Variants in TASP1 observed in about 807,000 individuals in gnomAD.
TASP1 encodes the protein taspase 1, also known as threonine aspartase 1.
In TASP1, 16 loss-of-function variants were observed where a neutral mutation model predicts 56.6. That is an observed-to-expected ratio of 0.28 (90% CI 0.19 to 0.43). The LOEUF is 0.43. Ranked by LOEUF, TASP1 falls within the 20% of genes least tolerant of loss-of-function variation. TASP1 has a pLI of 1.00. For missense variants in TASP1, 393 were observed against 511.6 expected (o/e 0.77, Z 2.24); for synonymous variants, 179 against 184.2 (o/e 0.97, Z 0.23).
chr20:13,415,674 C>T (rs571708974), intron 13 of TASP1, among the ~76,000 whole-genome samples: 84 of 151,626 alleles, frequency 5.5e-4, no homozygotes, highest in Middle Eastern at 3.7e-3. Flanking sequence ...CAAATATCTT[C>T]GGGCTCATAG....
intron 4 of TASP1, among the ~76,000 whole-genome samples, chr20:13,610,054 C>T (rs2048299205): frequency 6.6e-6 from 1 of 152,124 alleles, no homozygotes; most frequent in African/African-American, 2.4e-5. Flanking sequence ...TATAAAATAT[C>T]CAGAAGAGGT....
At chr20:13,370,120 A>C in the TASP1 span, among the ~76,000 whole-genome samples, 1 of 152,238 alleles carries the variant, frequency 6.6e-6, no homozygotes, top group East Asian at 1.9e-4. Context: ...CACAAAGATA[A>C]GAGAATTATT....
intron 10 of TASP1, among the ~76,000 whole-genome samples, chr20:13,506,457 C>A (rs1164349247): frequency 6.6e-6 from 1 of 152,140 alleles, no homozygotes; most frequent in Admixed American, 6.6e-5. Flanking sequence ...AAATTACTGT[C>A]CAATATCCTT....
the TASP1 span, among the ~76,000 whole-genome samples, chr20:13,121,611 G>T: frequency 1.3e-5 from 2 of 152,148 alleles, no homozygotes; most frequent in Non-Finnish European, 1.5e-5. Context: ...ACACGACCCA[G>T]ACTCGCCTTG....
the TASP1 span, among the ~76,000 whole-genome samples, chr20:13,107,725 C>T: frequency 6.6e-6 from 1 of 151,382 alleles, no homozygotes; most frequent in Non-Finnish European, 1.5e-5. Context: ...GACAAAGCAC[C>T]TAAAGAGTTA....
At chr20:13,191,446 A>G in the TASP1 span, among the ~76,000 whole-genome samples, 1 of 152,226 alleles carries the variant, frequency 6.6e-6, no homozygotes, top group Admixed American at 6.5e-5. Flanking sequence ...AGTAACATAC[A>G]TGAGTGTGGA....
intron 10 of TASP1, among the ~76,000 whole-genome samples, chr20:13,516,111 T>C (rs1038217533): frequency 6.6e-6 from 1 of 152,170 alleles, no homozygotes; most frequent in Non-Finnish European, 1.5e-5. Context: ...TTCAAGTAAA[T>C]TTCCTGAGCT....
the TASP1 span, among the ~76,000 whole-genome samples, chr20:13,319,705 T>C: frequency 1.3e-5 from 2 of 152,022 alleles, no homozygotes; most frequent in Non-Finnish European, 2.9e-5. Context: ...TACAGGAAAA[T>C]GTTTGTATCT....
intron 7 of TASP1, among the ~76,000 whole-genome samples, chr20:13,559,431 G>A (rs1276594100): frequency 2.0e-5 from 3 of 152,022 alleles, no homozygotes; most frequent in African/African-American, 7.2e-5. Context: ...GGTAAGAGAC[G>A]AAACTTGGGC....
intron 1 of TASP1, among the ~76,000 whole-genome samples, chr20:13,638,320 ACAC>A (rs2049385274): frequency 6.6e-6 from 1 of 151,920 alleles, no homozygotes; most frequent in South Asian, 2.1e-4. Context: ...CCTTCCGGAA[ACAC>A]GATACCCTCG....
intron 4 of TASP1, among the ~76,000 whole-genome samples, chr20:13,601,532 A>C (rs2047956282): frequency 6.6e-6 from 1 of 152,184 alleles, no homozygotes; most frequent in Admixed American, 6.5e-5. Context: ...TGAATGAATA[A>C]ATACATAAAT....
At chr20:13,366,873 C>G in the TASP1 span, among the ~76,000 whole-genome samples, 118 of 151,930 alleles carry the variant, frequency 7.8e-4, no homozygotes, top group Non-Finnish European at 1.1e-3. Flanking sequence ...TGACTACACA[C>G]ACACACACAC....
At chr20:13,440,995 C>T (rs375137286) in intron 11 of TASP1, among the ~76,000 whole-genome samples, 66 of 152,302 alleles carry the variant, frequency 4.3e-4, no homozygotes, top group African/African-American at 1.5e-3. Flanking sequence ...TACAACTGTT[C>T]CTTTTACCAC....
the TASP1 span, among the ~76,000 whole-genome samples, chr20:13,312,858 G>C: frequency 4.8e-3 from 730 of 152,252 alleles, 1 homozygote; most frequent in Non-Finnish European, 8.0e-3. Flanking sequence ...GGGTATGTCT[G>C]ACTCTAAATC....
At chr20:13,382,926 G>T in the TASP1 span, among the ~76,000 whole-genome samples, 1 of 152,152 alleles carries the variant, frequency 6.6e-6, no homozygotes, top group Non-Finnish European at 1.5e-5. Context: ...GCTTGCTCAG[G>T]GACGACCTTG....
chr20:13,591,192 T>C (rs964438679), intron 4 of TASP1, among the ~76,000 whole-genome samples: 1 of 151,978 alleles, frequency 6.6e-6, no homozygotes, highest in Non-Finnish European at 1.5e-5. Context: ...ATAAAAATAT[T>C]AGCCAAAAAT....
At chr20:13,305,404 C>T in the TASP1 span, among the ~76,000 whole-genome samples, 1 of 152,148 alleles carries the variant, frequency 6.6e-6, no homozygotes, top group Non-Finnish European at 1.5e-5. Context: ...ATCAAAACCC[C>T]TGTGAGTGTC....
chr20:13,585,927 G>C (rs2047285987), intron 5 of TASP1, among the ~76,000 whole-genome samples: 1 of 152,102 alleles, frequency 6.6e-6, no homozygotes, highest in Non-Finnish European at 1.5e-5. Context: ...TTGAGGTCAG[G>C]AGTTCAAGAC....
At chr20:13,466,537 G>A (rs112741942) in intron 11 of TASP1, among the ~76,000 whole-genome samples, 5,676 of 151,914 alleles carry the variant, frequency 0.037, 136 homozygotes, top group African/African-American at 0.058. Flanking sequence ...ACAAGGTCAC[G>A]AGTTCAAGAC....
Sources: gnomAD v4.1 joint callset for allele counts (sites outside exome capture counted in the v4.1 genomes callset) on GRCh38, gnomAD v4.1.1 for gene constraint, MANE v1.5 for transcripts, NCBI Gene and HGNC (gene_info 2026-07-23, HGNC 2026-07-21) for gene names.